Variants in DEPTOR observed in about 807,000 individuals in gnomAD.
DEPTOR encodes DEP domain-containing mTOR-interacting protein.
DEPTOR carries 41 observed loss-of-function variants against 41.6 expected under a neutral mutation model. The ratio of observed to expected loss-of-function variants is 0.98; its 90% CI spans 0.77 to 1.28. DEPTOR has a LOEUF of 1.28. Among genes scored for constraint, DEPTOR ranks in the 50% most tolerant of loss-of-function variants. The pLI is 0.00. For synonymous variants in DEPTOR, 195 were observed against 192.3 expected, an observed-to-expected ratio of 1.01 and a Z score of -0.12; for missense variants, 514 against 527.9, an observed-to-expected ratio of 0.97 and a Z score of 0.26.
chr8:119,977,712 C>T (rs561217915), intron 4 of DEPTOR, among the ~76,000 whole-genome samples: 68 of 152,306 alleles, frequency 4.5e-4, no homozygotes, highest in African/African-American at 1.2e-3. Context: ...GTACCTATAA[C>T]GGCATCAAGC....
chr8:119,899,266 G>T (rs1827557619), intron 1 of DEPTOR, among the ~76,000 whole-genome samples: 1 of 152,070 alleles, frequency 6.6e-6, no homozygotes, highest in Admixed American at 6.6e-5. Context: ...TATTTAGCTG[G>T]ATTGCACTTT....
intron 8 of DEPTOR, among the ~76,000 whole-genome samples, chr8:120,027,468 G>A (rs1812815750): frequency 6.6e-6 from 1 of 151,026 alleles, no homozygotes; most frequent in South Asian, 2.1e-4. Flanking sequence ...ATTTTGGGAG[G>A]GAGAGGCGGG....
chr8:119,893,297 GATA>G (rs1450479108), intron 1 of DEPTOR, among the ~76,000 whole-genome samples: 2 of 152,224 alleles, frequency 1.3e-5, no homozygotes, highest in Non-Finnish European at 2.9e-5. Context: ...TCAGCTGCTA[GATA>G]ATTTCTTTCC....
intron 7 of DEPTOR, among the ~76,000 whole-genome samples, chr8:120,008,640 G>C (rs1812485287): frequency 6.6e-6 from 1 of 152,104 alleles, no homozygotes. Flanking sequence ...TTGGATACTG[G>C]GGAAAAGAAC....
At chr8:119,911,689 C>A (rs1827746491) in intron 1 of DEPTOR, among the ~76,000 whole-genome samples, 1 of 152,144 alleles carries the variant, frequency 6.6e-6, no homozygotes, top group Admixed American at 6.5e-5. Flanking sequence ...CATTTCTTAT[C>A]CAGTGGAACT....
intron 7 of DEPTOR, 33 bp downstream of exon 7, chr8:120,006,908 C>T: frequency 6.2e-7 from 1 of 1,609,818 alleles, no homozygotes; most frequent in Non-Finnish European, 8.5e-7. Context: ...TTCTCCCGTG[C>T]TGCCCATTTT....
At chr8:119,880,141 CAAAATAAAATAAAATAAAAT>C (rs534342442) in intron 1 of DEPTOR, among the ~76,000 whole-genome samples, 2,757 of 139,210 alleles carry the variant, frequency 0.02, 88 homozygotes, top group African/African-American at 0.07. Context: ...GACTCCGTCT[CAAAATAAAATAAAATAAAAT>C]AAAATAAAAT....
At chr8:119,988,374 G>C (rs150731852) in intron 4 of DEPTOR, among the ~76,000 whole-genome samples, 1 of 152,126 alleles carries the variant, frequency 6.6e-6, no homozygotes, top group South Asian at 2.1e-4. Context: ...AGATGAACCG[G>C]GTACCTCAGT....
At chr8:120,010,004 G>A (rs1027080898) in intron 8 of DEPTOR, among the ~76,000 whole-genome samples, 5 of 152,086 alleles carry the variant, frequency 3.3e-5, no homozygotes, top group African/African-American at 4.8e-5. Context: ...TATGTAACCG[G>A]TAGCACATAA....
intron 1 of DEPTOR, among the ~76,000 whole-genome samples, chr8:119,885,295 G>T (rs1326097320): frequency 6.6e-6 from 1 of 152,190 alleles, no homozygotes; most frequent in East Asian, 1.9e-4. Flanking sequence ...ACATTGAAGT[G>T]TGAAATGCCC....
At position 119,890,299 on chromosome 8, in the gene DEPTOR, G is replaced by GTTTGT. The variant is rs148002389; in HGVS notation, c.122+16333_122+16334insTGTTT. Among the ~76,000 whole-genome samples the GTTTGT allele has an allele frequency of 3.1e-3, 359 of 117,434 alleles. 2 individuals are homozygous for GTTTGT. Among genetic ancestry groups the GTTTGT allele is most frequent in the African/African-American group, 0.012 (322 of 26,480 alleles). The allele number at this position is 117,434 out of a possible 152,430, so 77.0% of individuals were successfully genotyped here. ...AGTTTTTTTGTTTGTTTGTTTGTTT[G>GTTTGT]TTGTTGTTGTTGTTGTTGTTTGAGA... On this transcript the variant is annotated intron_variant, in intron 1 of 8. Transcript: ENST00000286234.
At chr8:119,879,654 T>C (rs1171169691) in intron 1 of DEPTOR, among the ~76,000 whole-genome samples, 2 of 152,058 alleles carry the variant, frequency 1.3e-5, no homozygotes, top group Non-Finnish European at 2.9e-5. Flanking sequence ...GAGGTTGCAG[T>C]GAGCTGAGAT....
chr8:119,895,535 T>C (rs1017873931), intron 1 of DEPTOR, among the ~76,000 whole-genome samples: 1 of 152,186 alleles, frequency 6.6e-6, no homozygotes, highest in Non-Finnish European at 1.5e-5. Context: ...TCTGCTGTAG[T>C]ATAAGCATGA....
chr8:119,917,031 A>G (rs148643462), intron 1 of DEPTOR, among the ~76,000 whole-genome samples: 1,705 of 152,276 alleles, frequency 0.011, 32 homozygotes, highest in African/African-American at 0.039. Context: ...TTGGCCTCCA[A>G]AGTGCTGGGA....
At chr8:119,923,803 T>C (rs1325290290) in intron 1 of DEPTOR, among the ~76,000 whole-genome samples, 1 of 152,122 alleles carries the variant, frequency 6.6e-6, no homozygotes, top group African/African-American at 2.4e-5. Flanking sequence ...GTTTCTTGAA[T>C]TGTGTTTTCT....
intron 1 of DEPTOR, 177 bp downstream of exon 1, chr8:119,874,145 C>A: frequency 1.0e-6 from 1 of 1,001,926 alleles, no homozygotes; most frequent in East Asian, 3.0e-5. Context: ...CAGCCTCGGT[C>A]CCTGAGGACT....
intron 1 of DEPTOR, among the ~76,000 whole-genome samples, chr8:119,926,455 G>T (rs1827964912): frequency 6.6e-6 from 1 of 152,164 alleles, no homozygotes; most frequent in African/African-American, 2.4e-5. Flanking sequence ...AAGGTTGTCA[G>T]AAAATGCAGA....
intron 3 of DEPTOR, among the ~76,000 whole-genome samples, chr8:119,956,748 T>TG (rs1236284086): frequency 5.4e-5 from 8 of 148,868 alleles, no homozygotes; most frequent in Admixed American, 6.7e-5. Flanking sequence ...TTGTTTTTTT[T>TG]TTTTTAGATG....
rs776830663 is a variant in DEPTOR at position 120,001,678 on chromosome 8, A to G, written c.758A>G (p.His253Arg). 1.2e-6 allele frequency: 2 copies of G among 1,613,482 alleles called. No homozygotes were observed. The highest frequency in any genetic ancestry group is 1.7e-6 in the Non-Finnish European group (2 of 1,179,832). Residue 253 changes from histidine (H) to arginine (R), a missense_variant, in exon 5 of 9, where the codon CAT (histidine) becomes CGT (arginine). By Grantham distance (29) the His-to-Arg change is conservative. Transcript: ENST00000286234. Reference sequence around the variant, plus strand: ...CCCTTCTGCCTGAGGAAGCAGAGCCATGACAATCGGAAATCTACCAGCTTT... The same window carrying G: ...CCCTTCTGCCTGAGGAAGCAGAGCCGTGACAATCGGAAATCTACCAGCTTT... ...DSPFCLRKQS[H>R]DNRKSTSFMS...
Sources: allele counts gnomAD v4.1 joint callset (sites outside exome capture counted in the v4.1 genomes callset), GRCh38; gene constraint gnomAD v4.1.1; transcripts MANE v1.5; gene names NCBI Gene and HGNC (gene_info 2026-07-23, HGNC 2026-07-21).